The following ESRRG variants were observed in gnomAD, a reference collection of about 807,000 sequenced individuals.
The protein encoded by ESRRG is estrogen related receptor gamma, also known as estrogen-related receptor gamma.
Under a neutral mutation model 44.0 loss-of-function variants are expected in ESRRG, and 13 were observed. The observed-to-expected ratio is 0.30, with a 90% CI of 0.19 to 0.47. The LOEUF (loss-of-function observed/expected upper bound fraction) is 0.47. Among genes scored for constraint, ESRRG ranks in the 20% least tolerant of loss-of-function variants. The pLI, the probability that ESRRG is intolerant of heterozygous loss-of-function variation, is 1.00. For missense variants in ESRRG, 395 were observed against 580.6 expected (o/e 0.68, Z 3.29); for synonymous variants, 215 against 214.6 (o/e 1.00, Z -0.02).
chr1:216,606,349 T>C (rs1432195786), intron 3 of ESRRG, among the ~76,000 whole-genome samples: 3 of 152,204 alleles, frequency 2.0e-5, no homozygotes, highest in Non-Finnish European at 4.4e-5. Context: ...CAGAGACTAA[T>C]AGGAAATTAA....
chr1:216,848,093 A>T (rs1188917934), intron 2 of ESRRG, among the ~76,000 whole-genome samples: 1 of 152,128 alleles, frequency 6.6e-6, no homozygotes, highest in Non-Finnish European at 1.5e-5. Flanking sequence ...AGTGACAACC[A>T]AAAATGACTC....
At chr1:216,671,082 G>A (rs190915814) in intron 2 of ESRRG, among the ~76,000 whole-genome samples, 5 of 152,244 alleles carry the variant, frequency 3.3e-5, no homozygotes, top group East Asian at 1.9e-4. Context: ...TGTTCAGAGT[G>A]GACTTAGTTC....
At chr1:216,619,250 A>G (rs2061847371) in intron 3 of ESRRG, among the ~76,000 whole-genome samples, 1 of 152,220 alleles carries the variant, frequency 6.6e-6, no homozygotes, top group African/African-American at 2.4e-5. Context: ...AGGGAACATT[A>G]ATGATTCCTA....
chr1:217,009,869 C>T (rs945872871), intron 1 of ESRRG, among the ~76,000 whole-genome samples: 4 of 151,844 alleles, frequency 2.6e-5, no homozygotes, highest in Non-Finnish European at 5.9e-5. Flanking sequence ...CCGTATCTGG[C>T]TAATTTTTGT....
At chr1:217,119,635 A>G (rs2092792216) in intron 1 of ESRRG, among the ~76,000 whole-genome samples, 1 of 152,196 alleles carries the variant, frequency 6.6e-6, no homozygotes, top group African/African-American at 2.4e-5. Flanking sequence ...TTTTTCTTGT[A>G]GCTCAGTTGG....
intron 3 of ESRRG, among the ~76,000 whole-genome samples, chr1:216,629,286 AC>A (rs2063710899): frequency 6.6e-6 from 1 of 152,236 alleles, no homozygotes; most frequent in Non-Finnish European, 1.5e-5. Context: ...CAATAAGCTG[AC>A]AGTGGAAAAT....
intron 2 of ESRRG, among the ~76,000 whole-genome samples, chr1:216,670,464 C>T (rs1319882513): frequency 6.6e-6 from 1 of 152,230 alleles, no homozygotes; most frequent in African/African-American, 2.4e-5. Flanking sequence ...AAGCCCTTGC[C>T]TGAAGGCTGT....
chr1:216,992,357 G>A (rs2075838369), intron 1 of ESRRG, among the ~76,000 whole-genome samples: 1 of 152,186 alleles, frequency 6.6e-6, no homozygotes, highest in Non-Finnish European at 1.5e-5. Context: ...AACTCTCAGA[G>A]CCTTGTCAGG....
intron 2 of ESRRG, among the ~76,000 whole-genome samples, chr1:216,874,649 G>A (rs148115747): frequency 1.3e-5 from 2 of 152,082 alleles, no homozygotes; most frequent in Admixed American, 1.3e-4. Context: ...TTAATATTGA[G>A]TGCCAACTCG....
intron 3 of ESRRG, among the ~76,000 whole-genome samples, chr1:216,573,473 T>G (rs1282425769): frequency 3.3e-5 from 5 of 152,110 alleles, no homozygotes; most frequent in Middle Eastern, 6.8e-3. Context: ...CGAATGTACT[T>G]AAAAATATTT....
intron 1 of ESRRG, among the ~76,000 whole-genome samples, chr1:216,692,344 G>C (rs1450941577): frequency 9.0e-6 from 1 of 111,656 alleles, no homozygotes; most frequent in Non-Finnish European, 1.9e-5. Context: ...GTGTGTGTGT[G>C]TGTCTAGATT....
At chr1:216,825,704 C>A (rs990350356) in intron 2 of ESRRG, among the ~76,000 whole-genome samples, 6 of 152,104 alleles carry the variant, frequency 3.9e-5, no homozygotes, top group Non-Finnish European at 1.5e-5. Context: ...GGCTATGAAC[C>A]AGTTGAGATT....
At chr1:216,622,254 T>C (rs1164357426) in intron 3 of ESRRG, among the ~76,000 whole-genome samples, 4 of 152,240 alleles carry the variant, frequency 2.6e-5, no homozygotes, top group African/African-American at 9.6e-5. Flanking sequence ...TCTTGACCTC[T>C]GCAGTTCTAA....
intron 1 of ESRRG, among the ~76,000 whole-genome samples, chr1:217,072,588 T>C (rs528730568): frequency 6.6e-6 from 1 of 152,344 alleles, no homozygotes; most frequent in East Asian, 1.9e-4. Flanking sequence ...TGGCTAAGCA[T>C]CTTTCCCAAG....
chr1:216,533,171 T>G (rs2049909931), intron 5 of ESRRG, among the ~76,000 whole-genome samples: 1 of 152,154 alleles, frequency 6.6e-6, no homozygotes, highest in African/African-American at 2.4e-5. Context: ...TACTAAATAC[T>G]TTAGTTTCTG....
intron 3 of ESRRG, among the ~76,000 whole-genome samples, chr1:216,637,001 C>G (rs1414604896): frequency 6.6e-6 from 1 of 152,176 alleles, no homozygotes; most frequent in Non-Finnish European, 1.5e-5. Flanking sequence ...TTAATGACTG[C>G]TGGGGAGACC....
intron 1 of ESRRG, among the ~76,000 whole-genome samples, chr1:217,050,408 G>A (rs2085710041): frequency 6.6e-6 from 1 of 152,158 alleles, no homozygotes; most frequent in Non-Finnish European, 1.5e-5. Context: ...TTTATCATCT[G>A]AGGTCTTAGG....
At chr1:217,109,526 T>G (rs1000740255) in intron 1 of ESRRG, among the ~76,000 whole-genome samples, 1 of 152,168 alleles carries the variant, frequency 6.6e-6, no homozygotes, top group Non-Finnish European at 1.5e-5. Context: ...CAGATACCAT[T>G]AAAGGAGCCC....
intron 2 of ESRRG, among the ~76,000 whole-genome samples, chr1:216,833,941 C>A (rs533196354): frequency 1.3e-5 from 2 of 152,262 alleles, no homozygotes; most frequent in South Asian, 2.1e-4. Context: ...GTGCATTGAC[C>A]ATCAAAGCTG....
Sources: gnomAD v4.1 joint callset for allele counts (sites outside exome capture counted in the v4.1 genomes callset) on GRCh38, gnomAD v4.1.1 for gene constraint, MANE v1.5 for transcripts, NCBI Gene and HGNC (gene_info 2026-07-23, HGNC 2026-07-21) for gene names.